STAG1: variants seen among roughly 807,000 people sequenced by gnomAD.
The protein encoded by STAG1 is STAG1 cohesin complex component.
A neutral mutation model predicts 170.9 loss-of-function variants in STAG1; 26 were observed. The ratio of observed to expected loss-of-function variants is 0.15; its 90% confidence interval spans 0.11 to 0.21. The LOEUF (loss-of-function observed/expected upper bound fraction) is 0.21, where lower values mean the gene tolerates loss of function less well. Among genes scored for constraint, STAG1 ranks in the 10% least tolerant of loss-of-function variants. The pLI, the probability that STAG1 is intolerant of heterozygous loss-of-function variation, is 1.00. For missense variants in STAG1, 964 were observed against 1,509.5 expected (o/e 0.64, Z 5.99); for synonymous variants, 514 against 497.7 (o/e 1.03, Z -0.44).
At chr3:136,747,623 T>C (rs1935011405) in intron 1 of STAG1, among the ~76,000 whole-genome samples, 1 of 151,874 alleles carries the variant, frequency 6.6e-6, no homozygotes, top group Non-Finnish European at 1.5e-5. Flanking sequence ...CTGCAGTGAG[T>C]GAACTGTGAC....
At chr3:136,677,835 AGAAG>A (rs1407715970) in intron 1 of STAG1, among the ~76,000 whole-genome samples, 1 of 150,256 alleles carries the variant, frequency 6.7e-6, no homozygotes, top group Non-Finnish European at 1.5e-5. Flanking sequence ...ATAATCTTAG[AGAAG>A]GAAGTGAGAT....
intron 1 of STAG1, among the ~76,000 whole-genome samples, chr3:136,643,558 G>C (rs1019885171): frequency 5.3e-5 from 8 of 152,182 alleles, no homozygotes; most frequent in African/African-American, 1.9e-4. Flanking sequence ...GTCCAGGCTG[G>C]AGTGCAACAG....
At chr3:136,574,086 C>G (rs977974474) in intron 4 of STAG1, among the ~76,000 whole-genome samples, 2 of 150,780 alleles carry the variant, frequency 1.3e-5, no homozygotes, top group African/African-American at 4.9e-5. Context: ...CTAAAAATAC[C>G]AAAAATTAGG....
At chr3:136,437,091 C>T (rs2088482147) in intron 15 of STAG1, among the ~76,000 whole-genome samples, 1 of 152,172 alleles carries the variant, frequency 6.6e-6, no homozygotes, top group Admixed American at 6.5e-5. Context: ...GAACTAAATG[C>T]ATTGTCTGTT....
chr3:136,668,338 CATATATTATACATGAT>C (rs1392219444), intron 1 of STAG1, among the ~76,000 whole-genome samples: 2 of 138,106 alleles, frequency 1.4e-5, no homozygotes, highest in Non-Finnish European at 3.1e-5. Context: ...TGATATATAC[CATATATTATACATGAT>C]ATATATTATA....
At chr3:136,679,829 G>T (rs1200643874) in intron 1 of STAG1, among the ~76,000 whole-genome samples, 1 of 151,778 alleles carries the variant, frequency 6.6e-6, no homozygotes, top group Non-Finnish European at 1.5e-5. Flanking sequence ...TAGATCCTGG[G>T]AGGCGGAGGT....
chr3:136,464,870 A>T lies in STAG1; in HGVS notation c.1313+11T>A, dbSNP rs756815378. On this transcript the variant is annotated intron_variant, in intron 13 of 33. Transcript: ENST00000383202. ...AAAAGTAGAACCGGTTTTCAAAGATAATTAGCTCACTTTTTGTGAAGGAAC... is the reference window on the plus strand; with the variant it reads ...AAAAGTAGAACCGGTTTTCAAAGATTATTAGCTCACTTTTTGTGAAGGAAC... The T allele has an allele frequency of 3.3e-5, 53 of 1,604,924 alleles. No individual in the cohort carries two copies. Among genetic ancestry groups the T allele is most frequent in the Non-Finnish European group, 4.3e-5 (51 of 1,175,494 alleles).
chr3:136,619,225 A>C (rs1054957920), intron 3 of STAG1, among the ~76,000 whole-genome samples: 2 of 151,186 alleles, frequency 1.3e-5, no homozygotes, highest in Non-Finnish European at 2.9e-5. Flanking sequence ...GGGGTGGGGC[A>C]GTGCTTATTT....
chr3:136,469,038 T>A (rs1230750350), intron 12 of STAG1, among the ~76,000 whole-genome samples: 1 of 152,168 alleles, frequency 6.6e-6, no homozygotes. Flanking sequence ...TCATACTGAA[T>A]GGGCAAAAAC....
At chr3:136,632,864 A>T (rs937921201) in intron 1 of STAG1, among the ~76,000 whole-genome samples, 4 of 152,158 alleles carry the variant, frequency 2.6e-5, no homozygotes, top group African/African-American at 9.7e-5. Flanking sequence ...TTCCGCAAAG[A>T]ACCTATCTGC....
At chr3:136,555,257 G>A (rs1271622924) in intron 5 of STAG1, among the ~76,000 whole-genome samples, 1 of 150,798 alleles carries the variant, frequency 6.6e-6, no homozygotes, top group Non-Finnish European at 1.5e-5. Flanking sequence ...CATGCCTGTA[G>A]TCCTAGCTAC....
chr3:136,347,256 C>T (rs1026047432), intron 29 of STAG1, among the ~76,000 whole-genome samples: 1 of 150,558 alleles, frequency 6.6e-6, no homozygotes, highest in Non-Finnish European at 1.5e-5. Context: ...ATTAGCTGGG[C>T]GTGGCGGTGG....
At chr3:136,366,094 C>T (rs1937064816) in intron 25 of STAG1, among the ~76,000 whole-genome samples, 1 of 151,904 alleles carries the variant, frequency 6.6e-6, no homozygotes, top group African/African-American at 2.4e-5. Flanking sequence ...CATGCTGAAG[C>T]TTTGTGGTCT....
chr3:136,611,658 CTTTT>C lies in STAG1; in HGVS notation c.133-7189_133-7186del, dbSNP rs760493827. ...TATAAGCACTAGCCACCACACCCAG[CTTTT>C]TTTTTTTTTTTTTTTTTTTTTTTGG... is the stretch of plus-strand genomic sequence containing the variant. On this transcript the variant is annotated intron_variant, in intron 3 of 33. Coordinates refer to ENST00000383202, the MANE Select transcript of STAG1 (RefSeq NM_005862.3). 7.9e-3 allele frequency among the ~76,000 whole-genome samples: 575 copies of C among 72,552 alleles called. 3 individuals are homozygous for C. The highest frequency in any genetic ancestry group is 0.014 in the Non-Finnish European group (506 of 37,472). 47.6% of individuals were successfully genotyped at this position (72,552 alleles called of 152,430 possible).
rs577681349 is a variant in STAG1, at chr3:136,433,610, T to C, written c.1596A>G (p.Thr532=). ...ESALIELMVC[T]IRQAAEAHPP... ...GATGTGCCTCAGCAGCTTGACGAATTGTACAAACCATTAGCTCTATAAGAG... is the reference window on the plus strand; with the variant it reads ...GATGTGCCTCAGCAGCTTGACGAATCGTACAAACCATTAGCTCTATAAGAG... The change falls in exon 16 of 34, where the codon ACA becomes ACG. Residue 532 remains threonine (T), a synonymous_variant. Coordinates refer to ENST00000383202, the MANE Select transcript of STAG1 (RefSeq NM_005862.3). 6.2e-7 allele frequency: 1 copy of C among 1,601,326 alleles called. No individual in the cohort carries two copies. The highest frequency in any genetic ancestry group is 1.4e-5 in the African/African-American group (1 of 73,922).
chr3:136,463,710 T>A (rs1413050544), intron 13 of STAG1, among the ~76,000 whole-genome samples: 1 of 130,970 alleles, frequency 7.6e-6, no homozygotes, highest in Non-Finnish European at 1.5e-5. Flanking sequence ...AGACCCCATC[T>A]CTCTAAAAAA....
chr3:136,674,757 C>A (rs1942082380), intron 1 of STAG1, among the ~76,000 whole-genome samples: 1 of 152,086 alleles, frequency 6.6e-6, no homozygotes, highest in Non-Finnish European at 1.5e-5. Context: ...TAAATATGTA[C>A]CATTTACTGC....
intron 1 of STAG1, among the ~76,000 whole-genome samples, chr3:136,673,913 G>C (rs984901253): frequency 6.6e-6 from 1 of 151,648 alleles, no homozygotes; most frequent in Non-Finnish European, 1.5e-5. Flanking sequence ...GGCCAGCCTG[G>C]GTAACATGGC....
chr3:136,600,472 C>G (rs994844021), intron 4 of STAG1, among the ~76,000 whole-genome samples: 1 of 152,212 alleles, frequency 6.6e-6, no homozygotes, highest in East Asian at 1.9e-4. Flanking sequence ...TTCTTCCATA[C>G]AAACCACAGA....
Sources: gnomAD v4.1 joint callset for allele counts (sites outside exome capture counted in the v4.1 genomes callset) on GRCh38, gnomAD v4.1.1 for gene constraint, MANE v1.5 for transcripts, NCBI Gene and HGNC (gene_info 2026-07-23, HGNC 2026-07-21) for gene names.